The following SDC2 variants were observed in gnomAD, a reference collection of about 807,000 sequenced individuals.
SDC2 encodes syndecan-2.
In SDC2, 13 loss-of-function variants were observed where a neutral mutation model predicts 22.2. That is an observed-to-expected ratio of 0.59 (90% CI 0.38 to 0.93). SDC2 has a LOEUF of 0.93. Ranked by LOEUF, SDC2 falls within the 40% of genes least tolerant of loss-of-function variation. The probability of loss-of-function intolerance (pLI) is 0.00; values close to 1 mark genes in which losing one functional copy is unlikely to be tolerated. For synonymous variants in SDC2, 94 were observed against 92.8 expected, an observed-to-expected ratio of 1.01 and a Z score of -0.07; for missense variants, 235 against 246.8, an observed-to-expected ratio of 0.95 and a Z score of 0.32.
At chr8:96,563,854 C>T (rs969559726) in intron 1 of SDC2, among the ~76,000 whole-genome samples, 5 of 152,214 alleles carry the variant, frequency 3.3e-5, no homozygotes, top group African/African-American at 1.2e-4. Flanking sequence ...CATAAAACTA[C>T]TGATGAATTG....
At chr8:96,516,776 A>G (rs747724426) in intron 1 of SDC2, among the ~76,000 whole-genome samples, 2 of 152,204 alleles carry the variant, frequency 1.3e-5, no homozygotes, top group African/African-American at 2.4e-5. Flanking sequence ...TTATTGCCAA[A>G]TAAATATTTA....
At chr8:96,534,305 C>T (rs148724644) in intron 1 of SDC2, among the ~76,000 whole-genome samples, 19 of 152,320 alleles carry the variant, frequency 1.2e-4, no homozygotes, top group African/African-American at 2.4e-4. Flanking sequence ...GTGGCCAGAG[C>T]GGACGCTGAG....
At chr8:96,582,996 A>C (rs1018869093) in intron 1 of SDC2, among the ~76,000 whole-genome samples, 1 of 151,782 alleles carries the variant, frequency 6.6e-6, no homozygotes, top group Non-Finnish European at 1.5e-5. Context: ...TTGTGACCAC[A>C]GGTGAAATGG....
intron 1 of SDC2, among the ~76,000 whole-genome samples, chr8:96,524,010 A>G (rs1481164134): frequency 1.3e-5 from 2 of 152,172 alleles, no homozygotes; most frequent in South Asian, 4.1e-4. Flanking sequence ...AATGTTGTAA[A>G]GTGGAGTATT....
intron 1 of SDC2, among the ~76,000 whole-genome samples, chr8:96,577,403 A>C (rs534956437): frequency 3.3e-5 from 5 of 152,268 alleles, no homozygotes; most frequent in African/African-American, 1.2e-4. Flanking sequence ...TGTCTTTTTG[A>C]TCATGAATAG....
At position 96,494,059 on chromosome 8, in the gene SDC2, GT is replaced by G; in HGVS notation, c.-211del. 3.6e-6 allele frequency: 2 copies of G among 556,550 alleles called. No individual in the cohort carries two copies. The highest frequency in any genetic ancestry group is 6.3e-6 in the Non-Finnish European group (2 of 319,868). The allele number at this position is 556,550 out of a possible 1,614,324, so 34.5% of individuals were successfully genotyped here. A position where few individuals can be genotyped will look rare whatever the true frequency, so the allele number is the denominator to read the frequency against. On this transcript the variant is annotated 5_prime_UTR_variant, in exon 1 of 5. Coordinates refer to ENST00000302190, the MANE Select transcript of SDC2 (RefSeq NM_002998.4). ...AAACCAACAAGTGAGAGGGCGCCGCGTTCCCGGGGCGCAGCTGCGGGCGGCG... is the reference window on the plus strand; with the variant it reads ...AAACCAACAAGTGAGAGGGCGCCGCGTCCCGGGGCGCAGCTGCGGGCGGCG...
intron 3 of SDC2, among the ~76,000 whole-genome samples, chr8:96,604,135 G>A (rs1017973730): frequency 7.9e-5 from 12 of 152,136 alleles, no homozygotes; most frequent in Non-Finnish European, 1.8e-4. Context: ...ACTAGCTTGA[G>A]GGAAGCAACT....
chr8:96,538,661 C>T (rs1049210249), intron 1 of SDC2: 2 of 152,226 alleles, frequency 1.3e-5, no homozygotes, highest in African/African-American at 4.8e-5. Context: ...GTTTCCATGG[C>T]AACTTCTTCA....
At chr8:96,548,572 T>C (rs769661344) in intron 1 of SDC2, among the ~76,000 whole-genome samples, 1 of 152,240 alleles carries the variant, frequency 6.6e-6, no homozygotes, top group Non-Finnish European at 1.5e-5. Flanking sequence ...TCTTCTCTAA[T>C]CTGCAGACAG....
At chr8:96,576,378 T>TG (rs1814497376) in intron 1 of SDC2, among the ~76,000 whole-genome samples, 2 of 68,338 alleles carry the variant, frequency 2.9e-5, no homozygotes, top group African/African-American at 5.8e-5. Context: ...GTTTTTGTTT[T>TG]GTTTTGTTTT....
intron 1 of SDC2, among the ~76,000 whole-genome samples, chr8:96,584,083 T>G (rs1814641538): frequency 6.6e-6 from 1 of 152,212 alleles, no homozygotes; most frequent in African/African-American, 2.4e-5. Context: ...CCAATTTCTG[T>G]TAGTTGGCAT....
At chr8:96,547,664 A>G (rs1197494220) in intron 1 of SDC2, among the ~76,000 whole-genome samples, 1 of 152,090 alleles carries the variant, frequency 6.6e-6, no homozygotes. Flanking sequence ...TGTATGCAAA[A>G]GCATGAGCGT....
intron 3 of SDC2, among the ~76,000 whole-genome samples, chr8:96,605,947 C>T (rs1241360197): frequency 6.6e-6 from 1 of 152,186 alleles, no homozygotes; most frequent in African/African-American, 2.4e-5. Flanking sequence ...TTTCTTCTTA[C>T]ACTCTTTAAG....
intron 1 of SDC2, among the ~76,000 whole-genome samples, chr8:96,529,708 G>A (rs2589208): frequency 0.23 from 34,750 of 152,050 alleles, 4,853 homozygotes; most frequent in African/African-American, 0.4. Flanking sequence ...TGACCCCAAA[G>A]GTCTTCCTCT....
chr8:96,580,694 G>GT (rs1275206204), intron 1 of SDC2: 3 of 182,408 alleles, frequency 1.6e-5, no homozygotes, highest in African/African-American at 4.8e-5. Flanking sequence ...GTTTAACTCA[G>GT]TAAGACTCTG....
In SDC2 at chr8:96,610,967, CTG is replaced by C. The variant is rs1253283708; in HGVS notation, c.*1421_*1422del. The C allele has an allele frequency of 1.3e-5, 2 of 152,650 alleles. No homozygotes were observed. Among genetic ancestry groups the C allele is most frequent in the African/African-American group, 4.8e-5 (2 of 41,458 alleles). 9.5% of individuals were successfully genotyped at this position (152,650 alleles called of 1,614,324 possible). ...CTGCTTTTGCAAATAACTTACAAGA[CTG>C]TAAATTCCAAAGATCTGAATGGGGC... On this transcript the variant is annotated 3_prime_UTR_variant, in exon 5 of 5. Coordinates refer to ENST00000302190, the MANE Select transcript of SDC2 (RefSeq NM_002998.4).
At chr8:96,548,863 T>A (rs1813978208) in intron 1 of SDC2, among the ~76,000 whole-genome samples, 1 of 152,214 alleles carries the variant, frequency 6.6e-6, no homozygotes, top group Non-Finnish European at 1.5e-5. Context: ...TCAGTGTTGC[T>A]GGTAAGTAGG....
intron 1 of SDC2, among the ~76,000 whole-genome samples, chr8:96,554,737 G>C (rs2575717): frequency 0.01 from 1,523 of 152,270 alleles, 33 homozygotes; most frequent in African/African-American, 0.035. Flanking sequence ...CTAGGTCACA[G>C]AAGCCTTTTG....
At chr8:96,497,872 G>T (rs1813098953) in intron 1 of SDC2, among the ~76,000 whole-genome samples, 1 of 152,152 alleles carries the variant, frequency 6.6e-6, no homozygotes, top group Admixed American at 6.5e-5. Flanking sequence ...CAAACTAAAA[G>T]ATTTTGCCCA....
Sources: allele counts gnomAD v4.1 joint callset (sites outside exome capture counted in the v4.1 genomes callset), GRCh38; gene constraint gnomAD v4.1.1; transcripts MANE v1.5; gene names NCBI Gene and HGNC (gene_info 2026-07-23, HGNC 2026-07-21).